Variants in IBTK observed in about 807,000 individuals in gnomAD.
IBTK encodes inhibitor of Bruton tyrosine kinase.
Under a neutral mutation model 154.9 loss-of-function variants are expected in IBTK, and 83 were observed. That is an observed-to-expected ratio of 0.54 (90% CI 0.45 to 0.64). The LOEUF (loss-of-function observed/expected upper bound fraction) is 0.64. IBTK is among the 30% of genes least tolerant of loss of function. The pLI is 0.00. For missense variants in IBTK, 1,332 were observed against 1,584.6 expected (o/e 0.84, Z 2.71); for synonymous variants, 515 against 536.1 (o/e 0.96, Z 0.54).
Position 82,220,937 on chromosome 6 carries a change from T to TAAACACAC in IBTK, c.1125-225_1125-224insGTGTGTTT, listed in dbSNP as rs561940085. 2.3e-5 allele frequency among the ~76,000 whole-genome samples: 3 copies of TAAACACAC among 130,160 alleles called. No homozygotes were observed. The East Asian group carries it at 7.5e-4, about 33-fold the overall frequency. The allele number at this position is 130,160 out of a possible 152,430, so 85.4% of individuals were successfully genotyped here. On this transcript the variant is annotated intron_variant, in intron 8 of 28. Coordinates refer to ENST00000306270, the MANE Select transcript of IBTK (RefSeq NM_015525.4). ...TCTTTTTCTCTTAAATGACTTTACC[T>TAAACACAC]ACACACACACACACACACACACACA...
At chr6:82,224,238 A>G in intron 6 of IBTK, 53 bp from the exon 7 acceptor site, 1 of 1,274,768 alleles carries the variant, frequency 7.8e-7, no homozygotes, top group Non-Finnish European at 1.1e-6. Flanking sequence ...GACCTAGTAC[A>G]ATTTTTTAAA....
Position 82,214,356 on chromosome 6 carries a change from T to C in IBTK, c.2075A>G (p.Gln692Arg). 2 of 1,613,858 alleles carry C rather than the reference T, an allele frequency of 1.2e-6. No individual in the cohort carries two copies. The highest frequency in any genetic ancestry group is 1.7e-6 in the Non-Finnish European group (2 of 1,179,772). The change falls in exon 12 of 29, where the codon CAA becomes CGA. Residue 692 changes from glutamine (Q) to arginine (R), a missense_variant. Gln to Arg is a conservative substitution (Grantham distance 43). Coordinates refer to ENST00000306270, the MANE Select transcript of IBTK (RefSeq NM_015525.4). ...GCTCTTCTGCCTCTCACTAACTGTT[T>C]GAGCTTGATTACTTTTGTAAACTTC... ...AFEVYKSNQAQTVSERQKSKP... is the reference protein window; with the variant it reads ...AFEVYKSNQARTVSERQKSKP...
chr6:82,191,870 G>T lies in IBTK; in HGVS notation c.3348C>A (p.Ser1116Arg), dbSNP rs767658716. The T allele has an allele frequency of 1.9e-6, 3 of 1,605,564 alleles. No homozygotes were observed. The South Asian group carries it at 3.3e-5, about 18-fold the overall frequency. Residue 1116 changes from serine to arginine, a missense_variant, in exon 24 of 29, where the codon AGC (serine) becomes AGA (arginine). Ser to Arg is a moderately radical substitution (Grantham distance 110, BLOSUM62 -1). Around this residue, in one of 3 missense-constraint regions of IBTK, gnomAD observed 1,134 missense variants for 1,274.7 expected, o/e 0.89. Transcript: ENST00000306270. ...SWVAGSFSPV[S>R]PPVVDLRTIM... ...TAGTTCTGAGATCCACAACAGGAGG[G>T]CTGACAGGACTAAAAGACATAAAAG...
chr6:82,220,515 C>A, intron 9 of IBTK, 75 bp downstream of exon 9: 1 of 1,399,904 alleles, frequency 7.1e-7, no homozygotes, highest in Non-Finnish European at 9.6e-7. Context: ...CATAGCAATA[C>A]ATTTTCATGT....
intron 4 of IBTK, among the ~76,000 whole-genome samples, chr6:82,231,453 A>ATTAAACTACTATCTGTATAACATTTTC (rs1770501066): frequency 6.6e-6 from 1 of 152,188 alleles, no homozygotes; most frequent in Non-Finnish European, 1.5e-5. Context: ...ACCCTCTTAA[A>ATTAAACTACTATCTGTATAACATTTTC]TTAAACTACT....
intron 25 of IBTK, chr6:82,189,091 T>A (rs1364103218): frequency 9.6e-6 from 4 of 416,072 alleles, no homozygotes; most frequent in Non-Finnish European, 1.4e-5. Context: ...ATCTGACTAA[T>A]GTGATTTGTA....
At chr6:82,224,996 C>T (rs1211502663) in intron 6 of IBTK, among the ~76,000 whole-genome samples, 4 of 152,024 alleles carry the variant, frequency 2.6e-5, no homozygotes, top group Non-Finnish European at 5.9e-5. Context: ...CTTAATTTCT[C>T]CTGTTAAAAA....
At chr6:82,203,669 C>T (rs1184729183) in intron 17 of IBTK, among the ~76,000 whole-genome samples, 1 of 152,026 alleles carries the variant, frequency 6.6e-6, no homozygotes, top group Non-Finnish European at 1.5e-5. Flanking sequence ...GTTCTAGGAA[C>T]ATCAAGGAAT....
chr6:82,187,590 G>A (rs1441424065), intron 25 of IBTK, among the ~76,000 whole-genome samples: 1 of 149,588 alleles, frequency 6.7e-6, no homozygotes, highest in African/African-American at 2.4e-5. Flanking sequence ...GAGATGGAAT[G>A]ATAAAAACTG....
Position 82,213,815 on chromosome 6 carries a change from A to G in IBTK, c.2204+412T>C, listed in dbSNP as rs1038201047. Among the ~76,000 whole-genome samples the G allele has an allele frequency of 2.0e-5, 3 of 152,070 alleles. No homozygotes were observed. The East Asian group carries it at 5.8e-4, about 29-fold the overall frequency. ...CCGCAAATGGAGGAAAGACATATCC[A>G]TGTACCTCCCCAAAAAAAGGATGGG... On this transcript the variant is annotated intron_variant, in intron 12 of 28. Coordinates refer to ENST00000306270, the MANE Select transcript of IBTK (RefSeq NM_015525.4).
chr6:82,229,099 A>G (rs1770406748), intron 4 of IBTK, among the ~76,000 whole-genome samples: 1 of 152,146 alleles, frequency 6.6e-6, no homozygotes, highest in Admixed American at 6.5e-5. Context: ...ACTGGTACTC[A>G]ATTAATATTC....
chr6:82,244,828 C>A lies in IBTK; in HGVS notation c.-358+2734G>T, dbSNP rs115605839. 7.4e-3 allele frequency among the ~76,000 whole-genome samples: 1,126 copies of A among 152,130 alleles called. 19 individuals are homozygous for A. The highest frequency in any genetic ancestry group is 0.026 in the African/African-American group (1,075 of 41,504). ...CAAGTAAACCACCTAAATCATACCA[C>A]CAAGAAAAGAGGGAGTCAGACTTCA... On this transcript the variant is annotated intron_variant, in intron 1 of 28. Coordinates refer to ENST00000306270, the MANE Select transcript of IBTK (RefSeq NM_015525.4).
rs1356914189 is a variant in IBTK, at chr6:82,240,229, T to C, written c.258A>G (p.Gly86=). The change falls in exon 2 of 29, where the codon GGA becomes GGG. Residue 86 remains glycine (G), a synonymous_variant. Coordinates refer to ENST00000306270, the MANE Select transcript of IBTK (RefSeq NM_015525.4). ...AAATGCTTCTGTGCAATGCTGTCCATCCAGACTCTTTGTCTTTCACCAACA... is the reference window on the plus strand; with the variant it reads ...AAATGCTTCTGTGCAATGCTGTCCACCCAGACTCTTTGTCTTTCACCAACA... The part of the protein sequence containing the change: ...VDLLVKDKES[G]WTALHRSIFY... 2 of 1,614,112 alleles carry C rather than the reference T, an allele frequency of 1.2e-6. No homozygotes were observed. Among genetic ancestry groups the C allele is most frequent in the African/African-American group, 2.7e-5 (2 of 74,946 alleles).
At chr6:82,238,243 C>CA (rs896670375) in intron 2 of IBTK, among the ~76,000 whole-genome samples, 106 of 144,664 alleles carry the variant, frequency 7.3e-4, no homozygotes, top group Admixed American at 1.1e-3. Flanking sequence ...GACTCCGTCG[C>CA]AAAAAAAAAT....
At chr6:82,190,951 G>A (rs995014422) in intron 25 of IBTK, 122 bp downstream of exon 25, 3 of 612,076 alleles carry the variant, frequency 4.9e-6, no homozygotes, top group Non-Finnish European at 7.6e-6. Flanking sequence ...AAACAGAAGG[G>A]GAGATAAAAT....
At chr6:82,195,990 A>C (rs541347428) in intron 22 of IBTK, among the ~76,000 whole-genome samples, 1 of 152,294 alleles carries the variant, frequency 6.6e-6, no homozygotes, top group Non-Finnish European at 1.5e-5. Context: ...TCACAAGATA[A>C]ATTTCAATAA....
At chr6:82,212,662 GCC>G (rs750317341) in intron 13 of IBTK, 43 bp downstream of exon 13, 1 of 1,266,764 alleles carries the variant, frequency 7.9e-7, no homozygotes, top group Admixed American at 1.7e-5. Flanking sequence ...ACACTTAAGT[GCC>G]AAAATCCAGA....
chr6:82,208,297 G>T (rs973150621), intron 16 of IBTK, among the ~76,000 whole-genome samples: 2 of 151,496 alleles, frequency 1.3e-5, no homozygotes, highest in Non-Finnish European at 2.9e-5. Context: ...ACCTTAATAC[G>T]ACTGGGGGGG....
At chr6:82,228,927 C>T (rs1339444994) in intron 4 of IBTK, among the ~76,000 whole-genome samples, 1 of 151,912 alleles carries the variant, frequency 6.6e-6, no homozygotes, top group African/African-American at 2.4e-5. Context: ...AGCCTAAAAC[C>T]CCTGAATTTT....
Sources: allele counts gnomAD v4.1 joint callset (sites outside exome capture counted in the v4.1 genomes callset), GRCh38; gene constraint gnomAD v4.1.1; regional missense constraint gnomAD v4.1.1; transcripts MANE v1.5; gene names NCBI Gene and HGNC (gene_info 2026-07-23, HGNC 2026-07-21).